NKAIN3: variants seen among roughly 807,000 people sequenced by gnomAD.
NKAIN3 encodes sodium/potassium transporting ATPase interacting 3.
A neutral mutation model predicts 30.2 loss-of-function variants in NKAIN3; 25 were observed. That is an observed-to-expected ratio of 0.83 (90% confidence interval 0.60 to 1.16). The LOEUF (loss-of-function observed/expected upper bound fraction) is 1.16. Ranked by LOEUF, NKAIN3 falls within the 50% of genes most tolerant of loss-of-function variation. The pLI is 0.00. For synonymous variants in NKAIN3, 91 were observed against 89.6 expected (o/e 1.02, Z -0.09); for missense variants, 225 against 254.1 (o/e 0.89, Z 0.78).
chr8:62,377,258 C>G (rs1321467440), intron 1 of NKAIN3, among the ~76,000 whole-genome samples: 1 of 152,134 alleles, frequency 6.6e-6, no homozygotes, highest in East Asian at 1.9e-4. Context: ...TACACACACA[C>G]AGAGTTGCAT....
chr8:62,878,780 T>C (rs1820881128), intron 4 of NKAIN3, among the ~76,000 whole-genome samples: 2 of 151,462 alleles, frequency 1.3e-5, no homozygotes, highest in Admixed American at 6.6e-5. Context: ...TTTGTCCTTG[T>C]GATAGTTTGC....
At chr8:62,581,882 A>T (rs1201238630) in intron 2 of NKAIN3, among the ~76,000 whole-genome samples, 1 of 6,544 alleles carries the variant, frequency 1.5e-4, no homozygotes, top group African/African-American at 6.4e-4. Context: ...CCTTCCTTCT[A>T]CCCTTCCTCC....
intron 4 of NKAIN3, among the ~76,000 whole-genome samples, chr8:62,845,799 G>A (rs1819672516): frequency 6.6e-6 from 1 of 152,042 alleles, no homozygotes; most frequent in African/African-American, 2.4e-5. Flanking sequence ...AGTGGCCTAG[G>A]GAAAAGACAG....
chr8:62,337,662 C>G (rs1013638936), intron 1 of NKAIN3, among the ~76,000 whole-genome samples: 3 of 151,960 alleles, frequency 2.0e-5, no homozygotes, highest in Non-Finnish European at 4.4e-5. Context: ...CACACATGCA[C>G]AGCACGTGCA....
At chr8:62,431,296 T>A (rs1804989359) in intron 1 of NKAIN3, among the ~76,000 whole-genome samples, 1 of 151,898 alleles carries the variant, frequency 6.6e-6, no homozygotes, top group Admixed American at 6.6e-5. Flanking sequence ...CAAAGAACTC[T>A]CATTTAACAA....
At chr8:62,830,035 G>A (rs943308765) in intron 4 of NKAIN3, among the ~76,000 whole-genome samples, 1 of 152,104 alleles carries the variant, frequency 6.6e-6, no homozygotes, top group Non-Finnish European at 1.5e-5. Flanking sequence ...AAAAGCAAAA[G>A]CATGCATCAA....
intron 1 of NKAIN3, among the ~76,000 whole-genome samples, chr8:62,561,184 G>A (rs556066439): frequency 6.6e-6 from 1 of 152,054 alleles, no homozygotes; most frequent in Non-Finnish European, 1.5e-5. Context: ...TTCCAAATGT[G>A]AGTTATATGC....
intron 1 of NKAIN3, among the ~76,000 whole-genome samples, chr8:62,358,816 TAAAC>T: frequency 1.3e-5 from 2 of 152,328 alleles, no homozygotes; most frequent in South Asian, 4.1e-4. Context: ...TTTATAGAGG[TAAAC>T]AAACAACAAA....
chr8:62,441,428 A>G (rs1206007440), intron 1 of NKAIN3, among the ~76,000 whole-genome samples: 1 of 151,954 alleles, frequency 6.6e-6, no homozygotes, highest in Non-Finnish European at 1.5e-5. Context: ...CTGTAAGTGG[A>G]ATTACTAAAG....
intron 1 of NKAIN3, among the ~76,000 whole-genome samples, chr8:62,428,260 T>A (rs1804877585): frequency 6.6e-6 from 1 of 151,994 alleles, no homozygotes; most frequent in African/African-American, 2.4e-5. Context: ...GCACATAAGT[T>A]GATTCCATAT....
chr8:62,307,978 G>T (rs1814307843), intron 1 of NKAIN3, among the ~76,000 whole-genome samples: 1 of 150,146 alleles, frequency 6.7e-6, no homozygotes, highest in Admixed American at 6.6e-5. Context: ...AGATGCTAGG[G>T]CTTAGAGATG....
chr8:62,613,666 G>A (rs1811358792), intron 3 of NKAIN3, among the ~76,000 whole-genome samples: 1 of 151,780 alleles, frequency 6.6e-6, no homozygotes, highest in Non-Finnish European at 1.5e-5. Context: ...TTTCCCTTTT[G>A]AGGCCATTTT....
rs907644164 is a variant in NKAIN3 at position 62,972,375 on chromosome 8, G to T, written c.*6968G>T. 3.3e-5 allele frequency among the ~76,000 whole-genome samples: 5 copies of T among 152,022 alleles called. No individual in the cohort carries two copies. Among genetic ancestry groups the T allele is most frequent in the African/African-American group, 9.7e-5 (4 of 41,396 alleles). On this transcript the variant is annotated 3_prime_UTR_variant, in exon 7 of 7. Transcript: ENST00000623646. ...TTGTAATTATAAATATGTATATATT[G>T]GGGGGCAAAATATGACTTTTTATTT...
At position 62,541,957 on chromosome 8, in the gene NKAIN3, T is replaced by TA. The variant is rs552105013; in HGVS notation, c.55-37576dup. 3.4e-3 allele frequency among the ~76,000 whole-genome samples: 520 copies of TA among 152,296 alleles called. 2 individuals carry two copies. Among genetic ancestry groups the TA allele is most frequent in the Non-Finnish European group, 5.4e-3 (365 of 68,024 alleles). On this transcript the variant is annotated intron_variant, in intron 1 of 6. Coordinates refer to ENST00000623646, the MANE Select transcript of NKAIN3 (RefSeq NM_001304533.3). ...CTGCTGACATTTAAGAGTGAGTTAA[T>TA]AAAAAACTCCATTCATGTGAGTGGG...
intron 1 of NKAIN3, among the ~76,000 whole-genome samples, chr8:62,370,603 C>T (rs539361292): frequency 6.9e-4 from 105 of 151,946 alleles, no homozygotes; most frequent in East Asian, 2.3e-3. Flanking sequence ...CTGTTATAAA[C>T]GGAAAAATCT....
intron 4 of NKAIN3, among the ~76,000 whole-genome samples, chr8:62,861,400 G>A (rs954218418): frequency 1.3e-5 from 2 of 152,130 alleles, no homozygotes; most frequent in African/African-American, 4.8e-5. Context: ...AGGGATATAT[G>A]TTCTGCATAC....
chr8:62,425,780 G>A (rs572510385), intron 1 of NKAIN3, among the ~76,000 whole-genome samples: 42 of 152,024 alleles, frequency 2.8e-4, no homozygotes, highest in African/African-American at 7.9e-4. Flanking sequence ...AAATACAAGC[G>A]TTGACATTCA....
intron 1 of NKAIN3, among the ~76,000 whole-genome samples, chr8:62,505,162 G>T (rs1324926943): frequency 6.6e-6 from 1 of 152,182 alleles, no homozygotes; most frequent in East Asian, 1.9e-4. Flanking sequence ...AGCAATAAGG[G>T]CAATTACTGT....
chr8:62,380,530 G>C (rs1817243377), intron 1 of NKAIN3, among the ~76,000 whole-genome samples: 1 of 152,136 alleles, frequency 6.6e-6, no homozygotes, highest in Non-Finnish European at 1.5e-5. Context: ...AACCACCCCA[G>C]GTACTGAGCA....
Sources: gnomAD v4.1 joint callset for allele counts (sites outside exome capture counted in the v4.1 genomes callset) on GRCh38, gnomAD v4.1.1 for gene constraint, MANE v1.5 for transcripts, NCBI Gene and HGNC (gene_info 2026-07-23, HGNC 2026-07-21) for gene names.